Variants in CNTNAP2 observed in about 807,000 individuals in gnomAD.
The protein encoded by CNTNAP2 is contactin associated protein 2.
CNTNAP2 carries 98 observed loss-of-function variants against 155.2 expected under a neutral mutation model. The observed-to-expected ratio is 0.63, with a 90% CI of 0.54 to 0.75. CNTNAP2 has a LOEUF of 0.75. Among genes scored for constraint, CNTNAP2 ranks in the 30% least tolerant of loss-of-function variants. The probability of loss-of-function intolerance (pLI) is 0.00; values close to 1 mark genes in which losing one functional copy is unlikely to be tolerated. For synonymous variants in CNTNAP2, 651 were observed against 631.2 expected, an observed-to-expected ratio of 1.03 and a Z score of -0.47; for missense variants, 1,727 against 1,688.1, an observed-to-expected ratio of 1.02 and a Z score of -0.40.
intron 14 of CNTNAP2, among the ~76,000 whole-genome samples, chr7:147,946,992 T>C (rs534040763): frequency 4.6e-5 from 7 of 151,830 alleles, no homozygotes; most frequent in African/African-American, 1.4e-4. Context: ...TGATGAGGAG[T>C]GTAGGGATAA....
chr7:148,356,892 TAAAAAAAC>T (rs1226755008), intron 21 of CNTNAP2, among the ~76,000 whole-genome samples: 1 of 148,772 alleles, frequency 6.7e-6, no homozygotes, highest in South Asian at 2.1e-4. Flanking sequence ...TCGTCACCAT[TAAAAAAAC>T]AAAAAAACAA....
chr7:146,137,737 A>T (rs1326074086), intron 1 of CNTNAP2, among the ~76,000 whole-genome samples: 1 of 152,020 alleles, frequency 6.6e-6, no homozygotes, highest in African/African-American at 2.4e-5. Context: ...TTGCCAAGAG[A>T]TAAGACCAAG....
chr7:147,982,472 G>A (rs1428644227), intron 15 of CNTNAP2, among the ~76,000 whole-genome samples: 2 of 152,164 alleles, frequency 1.3e-5, no homozygotes, highest in African/African-American at 4.8e-5. Flanking sequence ...GTTTCTCAGA[G>A]CTACGGAGGT....
intron 1 of CNTNAP2, among the ~76,000 whole-genome samples, chr7:146,371,915 C>A (rs146871993): frequency 6.7e-6 from 1 of 150,072 alleles, no homozygotes; most frequent in East Asian, 2.0e-4. Context: ...GCCAAGATCG[C>A]GCCACTGCAC....
At chr7:146,344,176 A>G (rs1794782709) in intron 1 of CNTNAP2, among the ~76,000 whole-genome samples, 1 of 152,280 alleles carries the variant, frequency 6.6e-6, no homozygotes, top group East Asian at 1.9e-4. Context: ...TCTGAAGAGA[A>G]TGTTTTCAGG....
intron 3 of CNTNAP2, among the ~76,000 whole-genome samples, chr7:146,928,810 A>G (rs1257665145): frequency 6.6e-6 from 1 of 152,154 alleles, no homozygotes; most frequent in Non-Finnish European, 1.5e-5. Context: ...GGAGGGTCCT[A>G]CGCCCACGGA....
chr7:146,814,547 CATATT>C (rs1172566334), intron 2 of CNTNAP2, among the ~76,000 whole-genome samples: 1 of 152,096 alleles, frequency 6.6e-6, no homozygotes, highest in Non-Finnish European at 1.5e-5. Context: ...GTTTGGATCT[CATATT>C]AGTTTAGCAT....
chr7:146,871,260 G>A (rs1000563357), intron 3 of CNTNAP2, among the ~76,000 whole-genome samples: 5 of 152,076 alleles, frequency 3.3e-5, no homozygotes, highest in African/African-American at 4.8e-5. Flanking sequence ...GCAGGGTGTG[G>A]TGGCTCACGC....
At chr7:146,718,874 A>C (rs1801237405) in intron 1 of CNTNAP2, among the ~76,000 whole-genome samples, 1 of 152,074 alleles carries the variant, frequency 6.6e-6, no homozygotes, top group South Asian at 2.1e-4. Flanking sequence ...TCGTGTTCCT[A>C]ATATGCCAAA....
intron 1 of CNTNAP2, among the ~76,000 whole-genome samples, chr7:146,267,878 G>A (rs1410098385): frequency 6.6e-6 from 1 of 152,152 alleles, no homozygotes; most frequent in Non-Finnish European, 1.5e-5. Context: ...GATACAAAGA[G>A]TCCCCATTTG....
intron 3 of CNTNAP2, among the ~76,000 whole-genome samples, chr7:146,866,211 C>T (rs968776622): frequency 9.2e-5 from 14 of 152,076 alleles, no homozygotes; most frequent in Admixed American, 9.2e-4. Context: ...TACATATACA[C>T]ATGCACGGAA....
At chr7:147,434,572 A>G (rs1797519965) in intron 10 of CNTNAP2, among the ~76,000 whole-genome samples, 3 of 152,228 alleles carry the variant, frequency 2.0e-5, no homozygotes, top group African/African-American at 7.2e-5. Flanking sequence ...TATTAATTGT[A>G]TATGGACTTT....
At chr7:147,822,689 C>A (rs1317034463) in intron 13 of CNTNAP2, among the ~76,000 whole-genome samples, 1 of 152,094 alleles carries the variant, frequency 6.6e-6, no homozygotes, top group Non-Finnish European at 1.5e-5. Flanking sequence ...GGGAACCGTG[C>A]CCTGATCATT....
At chr7:148,038,999 T>G (rs1223492275) in intron 15 of CNTNAP2, among the ~76,000 whole-genome samples, 1 of 152,144 alleles carries the variant, frequency 6.6e-6, no homozygotes, top group Non-Finnish European at 1.5e-5. Context: ...ACAGAACCAA[T>G]AGAAGATATA....
intron 3 of CNTNAP2, among the ~76,000 whole-genome samples, chr7:146,925,457 C>CTGTTT (rs1796588426): frequency 6.6e-6 from 1 of 152,012 alleles, no homozygotes; most frequent in African/African-American, 2.4e-5. Context: ...GTAGTGGAAA[C>CTGTTT]ATCCAAATAG....
rs139177226 is a variant in CNTNAP2, at chr7:146,916,800, G to C, written c.402+76896G>C. Among the ~76,000 whole-genome samples the C allele has an allele frequency of 4.8e-4, 73 of 151,728 alleles. No individual in the cohort carries two copies. The East Asian group carries it at 0.013, about 26-fold the overall frequency. Reference sequence around the variant, plus strand: ...GTATCATTTATCTTTTGTATTTTTTGTTTGTTTTGATTTCATTTAGTTCTG... The same window carrying C: ...GTATCATTTATCTTTTGTATTTTTTCTTTGTTTTGATTTCATTTAGTTCTG... On this transcript the variant is annotated intron_variant, in intron 3 of 23. Transcript: ENST00000361727.
At chr7:147,154,535 T>C (rs2116439295) in intron 8 of CNTNAP2, among the ~76,000 whole-genome samples, 1 of 152,336 alleles carries the variant, frequency 6.6e-6, no homozygotes, top group South Asian at 2.1e-4. Context: ...CTTGCTGACT[T>C]TTAAATCATC....
In CNTNAP2 at chr7:147,801,477, G is replaced by A. The variant is rs188630046; in HGVS notation, c.2099-102088G>A. 1.2e-3 allele frequency among the ~76,000 whole-genome samples: 186 copies of A among 151,922 alleles called. 6 individuals carry two copies. The East Asian group carries it at 0.031, about 25-fold the overall frequency. ...TAGGCAGAGCACCCTGCGGCCTTCC[G>A]CAGTGTTTGTGTCCCTGGGTACTTG... is the stretch of plus-strand genomic sequence containing the variant. On this transcript the variant is annotated intron_variant, in intron 13 of 23. Coordinates refer to ENST00000361727, the MANE Select transcript of CNTNAP2 (RefSeq NM_014141.6).
chr7:147,395,889 A>T (rs1311692215), intron 10 of CNTNAP2, 109 bp downstream of exon 10: 2 of 1,255,920 alleles, frequency 1.6e-6, no homozygotes, highest in Non-Finnish European at 2.3e-6. Context: ...AAAAACAGGT[A>T]AGGTGGAAAT....
Sources: gnomAD v4.1 joint callset for allele counts (sites outside exome capture counted in the v4.1 genomes callset) on GRCh38, gnomAD v4.1.1 for gene constraint, MANE v1.5 for transcripts, NCBI Gene and HGNC (gene_info 2026-07-23, HGNC 2026-07-21) for gene names.